Variants in APOO observed in about 807,000 individuals in gnomAD.
The protein encoded by APOO is apolipoprotein O.
APOO carries 11 observed loss-of-function variants against 23.1 expected under a neutral mutation model. The ratio of observed to expected loss-of-function variants is 0.48; its 90% CI spans 0.30 to 0.79. The LOEUF is 0.79. Ranked by LOEUF, APOO falls within the 30% of genes least tolerant of loss-of-function variation. The pLI, the probability that APOO is intolerant of heterozygous loss-of-function variation, is 0.07. For synonymous variants in APOO, 59 were observed against 54.8 expected (o/e 1.08, Z -0.34); for missense variants, 160 against 142.7 (o/e 1.12, Z -0.62).
chrX:23,868,452 C>G (rs755613246), intron 5 of APOO, 141 bp downstream of exon 5: 2 of 409,712 alleles, frequency 4.9e-6, no homozygotes, highest in South Asian at 1.3e-4. Flanking sequence ...AATATGATAA[C>G]CATATCCATT....
chrX:23,905,983 C>T (rs140152034), intron 1 of APOO, among the ~76,000 whole-genome samples: 1 of 112,549 alleles, frequency 8.9e-6, no homozygotes, highest in African/African-American at 3.2e-5. Context: ...TGGCCCCCAG[C>T]GAAGTGCACC....
chrX:23,861,493 C>T (rs1484866162), intron 5 of APOO, among the ~76,000 whole-genome samples: 1 of 105,823 alleles, frequency 9.4e-6, no homozygotes, highest in Non-Finnish European at 1.9e-5. Flanking sequence ...TATAAATTAC[C>T]CAGTGTTAGG....
rs144442937 is a variant in APOO, at chrX:23,853,252, C to T, written c.561+3050G>A. 9.1e-3 allele frequency among the ~76,000 whole-genome samples: 1,006 copies of T among 110,681 alleles called. 13 individuals carry two copies. The highest frequency in any genetic ancestry group is 0.031 in the African/African-American group (949 of 30,379). ...CAGCCTGGGCAACAGAGCAAGATTC[C>T]ATCTCAAAAATAAATAAATAAACCA... On this transcript the variant is annotated intron_variant, in intron 7 of 8. Coordinates refer to ENST00000379226, the MANE Select transcript of APOO (RefSeq NM_024122.5).
intron 8 of APOO, among the ~76,000 whole-genome samples, chrX:23,834,728 AT>A (rs201063083): frequency 0.16 from 16,363 of 100,489 alleles, 1,078 homozygotes; most frequent in Middle Eastern, 0.21. Context: ...CTTTTTTCAT[AT>A]TTTTTTTTTT....
At chrX:23,861,827 G>A (rs1365883502) in intron 5 of APOO, among the ~76,000 whole-genome samples, 1 of 97,944 alleles carries the variant, frequency 1.0e-5, no homozygotes, top group Non-Finnish European at 2.0e-5. Flanking sequence ...TTCCCGAGAC[G>A]GAGTCTTGCT....
At chrX:23,872,810 G>C (rs1460595242) in intron 4 of APOO, among the ~76,000 whole-genome samples, 3 of 110,446 alleles carry the variant, frequency 2.7e-5, no homozygotes, top group Admixed American at 9.8e-5. Flanking sequence ...CAGCACTTTG[G>C]GGGGCTGAGG....
chrX:23,841,486 TAAAAA>T (rs543879334), intron 7 of APOO, among the ~76,000 whole-genome samples: 2 of 65,084 alleles, frequency 3.1e-5, no homozygotes, highest in Non-Finnish European at 5.9e-5. Flanking sequence ...AAAAGAAGTT[TAAAAA>T]AAAAAAAAAA....
chrX:23,838,118 G>A (rs190552905), intron 8 of APOO, among the ~76,000 whole-genome samples: 1 of 105,350 alleles, frequency 9.5e-6, no homozygotes, highest in East Asian at 3.2e-4. Flanking sequence ...ACTTTGGGAG[G>A]CTGAGGCAGG....
Position 23,893,184 on chromosome X carries a change from G to A in APOO, c.10-12232C>T, listed in dbSNP as rs960500268. 1.2e-4 allele frequency among the ~76,000 whole-genome samples: 13 copies of A among 107,908 alleles called. No individual in the cohort carries two copies. In the South Asian group the frequency reaches 3.6e-3, roughly 30 times the overall value. The allele number at this position is 107,908 out of a possible 115,157, so 93.7% of individuals were successfully genotyped here. ...TGTAATCCCAGCACTTTGGGAGGCC[G>A]AAGCGGGCAGATCACGAGGTCAGGA... is the stretch of plus-strand genomic sequence containing the variant. On this transcript the variant is annotated intron_variant, in intron 1 of 8. Coordinates refer to ENST00000379226, the MANE Select transcript of APOO (RefSeq NM_024122.5).
At chrX:23,843,573 CAATTT>C (rs1413050727) in intron 7 of APOO, among the ~76,000 whole-genome samples, 1 of 95,925 alleles carries the variant, frequency 1.0e-5, no homozygotes, top group Admixed American at 1.2e-4. Flanking sequence ...ACACAAATGA[CAATTT>C]CTTTTTTTTT....
chrX:23,833,427 A>G lies in APOO; in HGVS notation c.*215T>C, dbSNP rs1923505877. 2 of 111,303 alleles carry G rather than the reference A, an allele frequency of 1.8e-5. No homozygotes were observed. Among genetic ancestry groups the G allele is most frequent in the African/African-American group, 6.6e-5 (2 of 30,534 alleles). 9.2% of individuals were successfully genotyped at this position (111,303 alleles called of 1,213,427 possible). On this transcript the variant is annotated 3_prime_UTR_variant, in exon 9 of 9. Coordinates refer to ENST00000379226, the MANE Select transcript of APOO (RefSeq NM_024122.5). The stretch of plus-strand genomic sequence containing the variant: ...GAATGAGGAGTTCTAAGGCTTGTAC[A>G]TTATCTCTAGGTGAAGGGATTCCAG...
intron 5 of APOO, among the ~76,000 whole-genome samples, chrX:23,862,805 G>C (rs1482149348): frequency 1.1e-5 from 1 of 89,275 alleles, no homozygotes; most frequent in Admixed American, 1.3e-4. Context: ...AGAAGAGAAA[G>C]GGACGGGACG....
At chrX:23,889,437 A>G (rs1290071654) in intron 1 of APOO, among the ~76,000 whole-genome samples, 2 of 111,053 alleles carry the variant, frequency 1.8e-5, no homozygotes, top group African/African-American at 6.5e-5. Flanking sequence ...GACTCTCATG[A>G]ATGGTGGGGC....
intron 4 of APOO, 29 bp downstream of exon 4, chrX:23,874,374 T>C: frequency 1.7e-6 from 2 of 1,180,894 alleles, no homozygotes; most frequent in East Asian, 3.0e-5. Context: ...ATGAAGTAGC[T>C]GATTATGCCT....
intron 1 of APOO, among the ~76,000 whole-genome samples, chrX:23,889,815 C>CCACG (rs1300124702): frequency 8.2e-5 from 9 of 109,699 alleles, no homozygotes; most frequent in African/African-American, 2.7e-4. Context: ...GCACCAGCCA[C>CCACG]CACGCCTGGC....
At chrX:23,886,468 A>T (rs1926369660) in intron 1 of APOO, among the ~76,000 whole-genome samples, 1 of 111,250 alleles carries the variant, frequency 9.0e-6, no homozygotes, top group Admixed American at 9.6e-5. Flanking sequence ...TATGTATTTC[A>T]CTCTATGTAA....
chrX:23,873,162 T>C (rs1020025794), intron 4 of APOO, among the ~76,000 whole-genome samples: 4 of 112,129 alleles, frequency 3.6e-5, no homozygotes, highest in East Asian at 2.8e-4. Flanking sequence ...ATTCTAACTA[T>C]ATTTTTGTAC....
At chrX:23,859,069 A>G (rs1300339061) in intron 5 of APOO, among the ~76,000 whole-genome samples, 4 of 111,633 alleles carry the variant, frequency 3.6e-5, no homozygotes, top group Admixed American at 9.6e-5. Context: ...TCACACCTCT[A>G]AACTCCAGCC....
chrX:23,866,626 T>C (rs1925348175), intron 5 of APOO, among the ~76,000 whole-genome samples: 1 of 110,636 alleles, frequency 9.0e-6, no homozygotes, highest in Admixed American at 9.7e-5. Flanking sequence ...CCGTCTCTAC[T>C]AAAAATACAA....
Sources: allele counts gnomAD v4.1 joint callset (sites outside exome capture counted in the v4.1 genomes callset), GRCh38; gene constraint gnomAD v4.1.1; transcripts MANE v1.5; gene names NCBI Gene and HGNC (gene_info 2026-07-23, HGNC 2026-07-21).